TATDN1: variants seen among roughly 807,000 people sequenced by gnomAD.
The protein encoded by TATDN1 is deoxyribonuclease TATDN1.
TATDN1 carries 40 observed loss-of-function variants against 46.4 expected under a neutral mutation model. That is an observed-to-expected ratio of 0.86 (90% confidence interval 0.67 to 1.12). The LOEUF (loss-of-function observed/expected upper bound fraction) is 1.12, where lower values mean the gene tolerates loss of function less well. Ranked by LOEUF, TATDN1 falls within the 50% of genes most tolerant of loss-of-function variation. TATDN1 has a pLI of 0.00. For missense variants in TATDN1, 326 were observed against 348.4 expected, an observed-to-expected ratio of 0.94 and a Z score of 0.51; for synonymous variants, 95 against 105.6, an observed-to-expected ratio of 0.90 and a Z score of 0.62.
chr8:124,495,431 G>T (rs1417316158), intron 10 of TATDN1, 41 bp downstream of exon 10: 3 of 1,472,644 alleles, frequency 2.0e-6, no homozygotes, highest in Admixed American at 2.1e-5. Flanking sequence ...TTTTTGTTTG[G>T]TATGGTTTAA....
chr8:124,494,007 A>G, intron 10 of TATDN1, 48 bp from the exon 11 acceptor site: 1 of 1,530,700 alleles, frequency 6.5e-7, no homozygotes, highest in Non-Finnish European at 8.7e-7. Flanking sequence ...ATTTTTAAAA[A>G]TTTTTTATGA....
At chr8:124,498,687 A>G (rs1817686394) in intron 9 of TATDN1, among the ~76,000 whole-genome samples, 1 of 151,918 alleles carries the variant, frequency 6.6e-6, no homozygotes, top group Non-Finnish European at 1.5e-5. Flanking sequence ...GTCTCTCACT[A>G]TCACCTGGGC....
intron 1 of TATDN1, among the ~76,000 whole-genome samples, chr8:124,526,172 GC>G (rs1563685510): frequency 2.0e-5 from 3 of 152,042 alleles, no homozygotes; most frequent in East Asian, 3.8e-4. Context: ...TTGTAACCGC[GC>G]CCCACCTTTT....
At chr8:124,497,369 T>A (rs1817564523) in intron 9 of TATDN1, among the ~76,000 whole-genome samples, 1 of 151,006 alleles carries the variant, frequency 6.6e-6, no homozygotes, top group African/African-American at 2.4e-5. Context: ...AGCTGCAACA[T>A]CCACCTCCCA....
intron 9 of TATDN1, among the ~76,000 whole-genome samples, chr8:124,503,071 T>C (rs1418213213): frequency 1.3e-5 from 2 of 152,222 alleles, no homozygotes; most frequent in Non-Finnish European, 2.9e-5. Context: ...TGTGAAATTA[T>C]ATATTTATAT....
Position 124,493,821 on chromosome 8 carries a change from C to A in TATDN1, c.791+12G>T, listed in dbSNP as rs1817225651. The A allele has an allele frequency of 1.3e-6, 2 of 1,588,522 alleles. No individual in the cohort carries two copies. Among genetic ancestry groups the A allele is most frequent in the African/African-American group, 1.4e-5 (1 of 73,482 alleles). On this transcript the variant is annotated intron_variant, in intron 11 of 11. Coordinates refer to ENST00000276692, the MANE Select transcript of TATDN1 (RefSeq NM_032026.4). ...CTAATGATTTTGAAGACCATGAAAG[C>A]AAAATACTCACATTATATGGCAGGG...
intron 9 of TATDN1, among the ~76,000 whole-genome samples, chr8:124,497,334 G>A (rs1049562647): frequency 8.7e-5 from 13 of 149,594 alleles, no homozygotes; most frequent in African/African-American, 3.2e-4. Context: ...TGCCCAGGCT[G>A]GAGTGCGTTG....
intron 8 of TATDN1, among the ~76,000 whole-genome samples, chr8:124,506,334 C>CAAAAAAAAAAA (rs56023168): frequency 5.7e-5 from 3 of 52,520 alleles, no homozygotes; most frequent in African/African-American, 1.4e-4. Context: ...GGCTCTGTCT[C>CAAAAAAAAAAA]AAAAAAAAAA....
Position 124,488,684 on chromosome 8 carries a change from C to G in TATDN1, c.804G>C (p.Glu268Asp). 6.2e-7 allele frequency: 1 copy of G among 1,600,596 alleles called. No individual in the cohort carries two copies. ...NEPCHIIQIL[E>D]IMSAVRDEDP... is the part of the protein sequence containing the mutation. ...CCTCATCTCTCACTGCTGACATTATCTCCAATATTTGACTAAAACAAAACA... is the reference window on the plus strand; with the variant it reads ...CCTCATCTCTCACTGCTGACATTATGTCCAATATTTGACTAAAACAAAACA... Residue 268 changes from glutamate to aspartate, a missense_variant, in exon 12 of 12, where the codon GAG becomes GAC. By Grantham distance (45) the Glu-to-Asp change is conservative. Coordinates refer to ENST00000276692, the MANE Select transcript of TATDN1 (RefSeq NM_032026.4).
At chr8:124,538,179 C>T (rs140980904) in intron 1 of TATDN1, among the ~76,000 whole-genome samples, 1 of 152,334 alleles carries the variant, frequency 6.6e-6, no homozygotes, top group Non-Finnish European at 1.5e-5. Flanking sequence ...TTTGTTCACT[C>T]TCTACTACCG....
chr8:124,511,123 T>C (rs936052826), intron 6 of TATDN1, among the ~76,000 whole-genome samples: 3 of 152,222 alleles, frequency 2.0e-5, no homozygotes, highest in African/African-American at 7.2e-5. Flanking sequence ...CTTATTATTT[T>C]TTTAAAGTTC....
At chr8:124,490,819 T>A (rs921742548) in intron 11 of TATDN1, among the ~76,000 whole-genome samples, 9 of 151,732 alleles carry the variant, frequency 5.9e-5, no homozygotes, top group African/African-American at 2.2e-4. Context: ...TGATCTTGGC[T>A]CACTGTGTGT....
chr8:124,510,030 C>CAA lies in TATDN1; in HGVS notation c.390-1344_390-1343dup, dbSNP rs60271665. On this transcript the variant is annotated intron_variant, in intron 6 of 11. Coordinates refer to ENST00000276692, the MANE Select transcript of TATDN1 (RefSeq NM_032026.4). The stretch of plus-strand genomic sequence containing the variant: ...TGGGTGAGAGAGCAACATTCTGTCT[C>CAA]AAAAAAAAAAAAAAAAATTAAAAAT... Among the ~76,000 whole-genome samples the CAA allele has an allele frequency of 1.5e-3, 167 of 110,194 alleles. 2 individuals are homozygous for CAA. Among genetic ancestry groups the CAA allele is most frequent in the South Asian group, 3.2e-3 (11 of 3,420 alleles). The allele number at this position is 110,194 out of a possible 152,430, so 72.3% of individuals were successfully genotyped here.
At position 124,496,272 on chromosome 8, in the gene TATDN1, T is replaced by C. The variant is rs139596087; in HGVS notation, c.594-730A>G. ...AAAGTACAGAGATTCCCCAACCATA[T>C]GCTCCCACTCTCAAAATTCTACACC... is the stretch of plus-strand genomic sequence containing the variant. On this transcript the variant is annotated intron_variant, in intron 9 of 11. Transcript: ENST00000276692. 6.8e-3 allele frequency among the ~76,000 whole-genome samples: 1,043 copies of C among 152,302 alleles called. 19 individuals are homozygous for C. The highest frequency in any genetic ancestry group is 0.022 in the African/African-American group (900 of 41,558).
At chr8:124,537,631 T>C (rs1821573566) in intron 1 of TATDN1, among the ~76,000 whole-genome samples, 1 of 152,230 alleles carries the variant, frequency 6.6e-6, no homozygotes, top group Non-Finnish European at 1.5e-5. Context: ...TTTGGTTGTA[T>C]AACATAAACA....
intron 8 of TATDN1, among the ~76,000 whole-genome samples, chr8:124,506,669 C>T (rs762492214): frequency 4.6e-5 from 7 of 152,132 alleles, no homozygotes; most frequent in Admixed American, 6.5e-5. Context: ...AACGTCAGGC[C>T]GCATGGGAAT....
chr8:124,496,544 C>T (rs998059976), intron 9 of TATDN1, among the ~76,000 whole-genome samples: 2 of 152,186 alleles, frequency 1.3e-5, no homozygotes, highest in Non-Finnish European at 2.9e-5. Flanking sequence ...ATAGTTTTGC[C>T]TTTTCCAGAC....
chr8:124,534,146 A>C (rs970801847), intron 1 of TATDN1, among the ~76,000 whole-genome samples: 1 of 32,200 alleles, frequency 3.1e-5, no homozygotes, highest in Admixed American at 4.0e-4. Context: ...ACTCCGTCTC[A>C]AAAAAAAAAA....
intron 11 of TATDN1, among the ~76,000 whole-genome samples, chr8:124,492,606 T>C (rs919097535): frequency 6.6e-5 from 10 of 151,830 alleles, no homozygotes; most frequent in African/African-American, 2.4e-4. Flanking sequence ...ATACAAAAAT[T>C]AACTGAGTGT....
Sources: gnomAD v4.1 joint callset for allele counts (sites outside exome capture counted in the v4.1 genomes callset) on GRCh38, gnomAD v4.1.1 for gene constraint, MANE v1.5 for transcripts, NCBI Gene and HGNC (gene_info 2026-07-23, HGNC 2026-07-21) for gene names.